The following LIN7A variants were observed in gnomAD, a reference collection of about 807,000 sequenced individuals.
LIN7A encodes the protein protein lin-7 homolog A.
Under a neutral mutation model 29.8 loss-of-function variants are expected in LIN7A, and 25 were observed. The ratio of observed to expected loss-of-function variants is 0.84; its 90% CI spans 0.61 to 1.17. LIN7A has a LOEUF of 1.17. Ranked by LOEUF, LIN7A falls within the 50% of genes most tolerant of loss-of-function variation. LIN7A has a pLI of 0.00. For synonymous variants in LIN7A, 118 were observed against 107.5 expected (o/e 1.10, Z -0.60); for missense variants, 239 against 287.0 (o/e 0.83, Z 1.21).
chr12:80,898,789 T>C (rs554142649), intron 1 of LIN7A, among the ~76,000 whole-genome samples: 2 of 152,316 alleles, frequency 1.3e-5, no homozygotes, highest in East Asian at 1.9e-4. Context: ...TCAGCTTGAA[T>C]GTTGTTGGTG....
intron 1 of LIN7A, among the ~76,000 whole-genome samples, chr12:80,903,939 T>C (rs1876349410): frequency 6.6e-6 from 1 of 152,090 alleles, no homozygotes; most frequent in Non-Finnish European, 1.5e-5. Context: ...ATCTGATGAT[T>C]AGTGATTTTG....
At chr12:80,875,914 G>A (rs1476294985) in intron 2 of LIN7A, among the ~76,000 whole-genome samples, 2 of 152,118 alleles carry the variant, frequency 1.3e-5, no homozygotes, top group Non-Finnish European at 2.9e-5. Context: ...GAGAGCAGTA[G>A]GCTGTATTCT....
At chr12:80,928,033 C>G (rs1217987861) in intron 1 of LIN7A, among the ~76,000 whole-genome samples, 6 of 152,102 alleles carry the variant, frequency 3.9e-5, no homozygotes, top group Admixed American at 1.3e-4. Context: ...CAAAGGACAT[C>G]AACTCATCCT....
At chr12:80,818,675 T>C (rs559994991) in intron 4 of LIN7A, among the ~76,000 whole-genome samples, 1 of 152,200 alleles carries the variant, frequency 6.6e-6, no homozygotes, top group South Asian at 2.1e-4. Context: ...TATAGAGACC[T>C]AGGCTCTTCC....
intron 1 of LIN7A, among the ~76,000 whole-genome samples, chr12:80,924,390 G>T (rs894990338): frequency 2.0e-5 from 3 of 152,206 alleles, no homozygotes; most frequent in Non-Finnish European, 4.4e-5. Flanking sequence ...TGGGGAAAAT[G>T]CACCCCTGGG....
In LIN7A at chr12:80,884,600, TATC is replaced by T. The variant is rs565074122; in HGVS notation, c.201+4648_201+4650del. ...CTCACATGTGATTGGCTAAAGCAGT[TATC>T]ATAACCATAGATAGCTTTAGATAGG... On this transcript the variant is annotated intron_variant, in intron 2 of 5. Coordinates refer to ENST00000552864, the MANE Select transcript of LIN7A (RefSeq NM_004664.4). Among the ~76,000 whole-genome samples the T allele has an allele frequency of 3.5e-3, 533 of 152,314 alleles. 4 individuals carry two copies. The highest frequency in any genetic ancestry group is 5.1e-3 in the Non-Finnish European group (348 of 68,004).
At chr12:80,921,641 T>G (rs1345440323) in intron 1 of LIN7A, among the ~76,000 whole-genome samples, 1 of 151,908 alleles carries the variant, frequency 6.6e-6, no homozygotes, top group African/African-American at 2.4e-5. Flanking sequence ...TCTGACTTCA[T>G]GGAAACCTAA....
At chr12:80,931,457 A>G (rs570312765) in intron 1 of LIN7A, among the ~76,000 whole-genome samples, 12 of 152,112 alleles carry the variant, frequency 7.9e-5, no homozygotes, top group Admixed American at 3.3e-4. Flanking sequence ...CCTGGCCAAC[A>G]TGGCAAAAAC....
At chr12:80,836,891 C>A (rs1253946355) in intron 4 of LIN7A, among the ~76,000 whole-genome samples, 1 of 151,414 alleles carries the variant, frequency 6.6e-6, no homozygotes, top group Non-Finnish European at 1.5e-5. Flanking sequence ...ATCTGAAGGT[C>A]TTTGCTGTGC....
At chr12:80,815,687 C>A (rs1871497302) in intron 4 of LIN7A, among the ~76,000 whole-genome samples, 1 of 152,128 alleles carries the variant, frequency 6.6e-6, no homozygotes. Context: ...ACTTTAAGAG[C>A]TCTAAAAAGA....
chr12:80,839,080 GGTCAAA>G (rs1565896788), intron 4 of LIN7A, among the ~76,000 whole-genome samples: 1 of 152,132 alleles, frequency 6.6e-6, no homozygotes, highest in Admixed American at 6.5e-5. Flanking sequence ...ACTTTTTAAA[GGTCAAA>G]GTCTCTTATG....
intron 4 of LIN7A, among the ~76,000 whole-genome samples, chr12:80,837,549 T>G (rs1256136615): frequency 6.6e-6 from 1 of 152,132 alleles, no homozygotes; most frequent in Non-Finnish European, 1.5e-5. Context: ...CAATAGCACC[T>G]CTAGAGGGAG....
At chr12:80,882,910 A>G (rs1038683547) in intron 2 of LIN7A, among the ~76,000 whole-genome samples, 1 of 152,156 alleles carries the variant, frequency 6.6e-6, no homozygotes, top group African/African-American at 2.4e-5. Context: ...AAATTAAGTA[A>G]CTTGGCACTA....
At chr12:80,915,127 T>G (rs1446932513) in intron 1 of LIN7A, among the ~76,000 whole-genome samples, 2 of 144,546 alleles carry the variant, frequency 1.4e-5, no homozygotes, top group African/African-American at 5.2e-5. Context: ...ATATCCAGAA[T>G]CTACAAGGAA....
intron 4 of LIN7A, among the ~76,000 whole-genome samples, chr12:80,833,790 C>T (rs151024750): frequency 1.9e-4 from 29 of 152,194 alleles, no homozygotes; most frequent in Non-Finnish European, 3.5e-4. Flanking sequence ...CTTTAAAATG[C>T]TTCTTATTAT....
intron 1 of LIN7A, among the ~76,000 whole-genome samples, chr12:80,933,300 G>A (rs1296640616): frequency 5.9e-5 from 9 of 151,974 alleles, no homozygotes; most frequent in Non-Finnish European, 1.0e-4. Flanking sequence ...TTATTTCTTG[G>A]TAATTTCAGT....
At chr12:80,894,153 T>A (rs1414858657) in intron 1 of LIN7A, among the ~76,000 whole-genome samples, 2 of 152,208 alleles carry the variant, frequency 1.3e-5, no homozygotes, top group Non-Finnish European at 2.9e-5. Flanking sequence ...ATAAAGTGTG[T>A]GTAGTTTATT....
intron 1 of LIN7A, among the ~76,000 whole-genome samples, chr12:80,919,793 G>A (rs1441143379): frequency 6.6e-6 from 1 of 152,134 alleles, no homozygotes; most frequent in African/African-American, 2.4e-5. Context: ...CCAAAGAAAG[G>A]CAGGATCCTG....
chr12:80,847,564 TC>T (rs1277650219), intron 3 of LIN7A, among the ~76,000 whole-genome samples: 1 of 152,214 alleles, frequency 6.6e-6, no homozygotes, highest in Non-Finnish European at 1.5e-5. Flanking sequence ...AAGTCATGTT[TC>T]TATTATAACA....
Sources: gnomAD v4.1 joint callset for allele counts (sites outside exome capture counted in the v4.1 genomes callset) on GRCh38, gnomAD v4.1.1 for gene constraint, MANE v1.5 for transcripts, NCBI Gene and HGNC (gene_info 2026-07-23, HGNC 2026-07-21) for gene names.